Variants in FAM184B observed in about 807,000 individuals in gnomAD.
FAM184B encodes protein FAM184B.
A neutral mutation model predicts 135.9 loss-of-function variants in FAM184B; 111 were observed. The observed-to-expected ratio is 0.82, with a 90% confidence interval of 0.70 to 0.96. FAM184B has a LOEUF of 0.96. Among genes scored for constraint, FAM184B ranks in the 40% least tolerant of loss-of-function variants. The probability of loss-of-function intolerance (pLI) is 0.00; values close to 1 mark genes in which losing one functional copy is unlikely to be tolerated. For synonymous variants in FAM184B, 552 were observed against 524.8 expected, an observed-to-expected ratio of 1.05 and a Z score of -0.71; for missense variants, 1,375 against 1,323.9, an observed-to-expected ratio of 1.04 and a Z score of -0.60.
intron 1 of FAM184B, among the ~76,000 whole-genome samples, chr4:17,728,666 C>A (rs899848283): frequency 3.9e-5 from 6 of 152,034 alleles, no homozygotes; most frequent in Admixed American, 6.6e-5. Context: ...GGAGCAGAGG[C>A]AAATGCTGGT....
intron 10 of FAM184B, among the ~76,000 whole-genome samples, chr4:17,653,473 A>G (rs9884565): frequency 0.62 from 94,735 of 152,018 alleles, 29,949 homozygotes; most frequent in East Asian, 0.89. Flanking sequence ...TTTTCAGTCC[A>G]TGCTCTTGTT....
rs865897880 is a variant in FAM184B, at chr4:17,645,191, G to A, written c.2346+2446C>T. On this transcript the variant is annotated intron_variant, in intron 12 of 17. Transcript: ENST00000265018. Reference sequence around the variant, plus strand: ...TTATAGATTCAATGCCATCCCCATCGAGCTACCAATGACTTTCTTCACAGA... The same window carrying A: ...TTATAGATTCAATGCCATCCCCATCAAGCTACCAATGACTTTCTTCACAGA... Among the ~76,000 whole-genome samples the A allele has an allele frequency of 2.8e-4, 42 of 152,168 alleles. 1 individual carries two copies. The Middle Eastern group carries it at 0.017, about 62-fold the overall frequency.
chr4:17,672,043 G>C (rs949997700), intron 7 of FAM184B, among the ~76,000 whole-genome samples: 7 of 152,084 alleles, frequency 4.6e-5, no homozygotes, highest in Admixed American at 2.6e-4. Flanking sequence ...TAAGCATGCA[G>C]ATCCAAGAAG....
intron 2 of FAM184B, among the ~76,000 whole-genome samples, chr4:17,708,627 A>T (rs1176795551): frequency 1.5e-5 from 2 of 137,162 alleles, no homozygotes; most frequent in African/African-American, 2.7e-5. Context: ...CCTGGGTGAC[A>T]GAGTGAGGCT....
At chr4:17,641,966 C>T in intron 13 of FAM184B, 90 bp downstream of exon 13, 2 of 1,442,864 alleles carry the variant, frequency 1.4e-6, no homozygotes, top group East Asian at 2.7e-5. Flanking sequence ...CATTTCAGGT[C>T]TCAGGCTCAG....
intron 1 of FAM184B, among the ~76,000 whole-genome samples, chr4:17,736,432 G>A (rs1046616251): frequency 1.3e-5 from 2 of 152,196 alleles, no homozygotes; most frequent in African/African-American, 4.8e-5. Flanking sequence ...TTCAGGTTAA[G>A]CTGTGTTTAA....
intron 14 of FAM184B, 63 bp downstream of exon 14, chr4:17,639,187 G>A: frequency 2.0e-6 from 3 of 1,484,050 alleles, no homozygotes; most frequent in East Asian, 2.5e-5. Flanking sequence ...ATTGGGGTGA[G>A]TTGGCCACCC....
chr4:17,770,223 C>T (rs889464243), intron 1 of FAM184B, among the ~76,000 whole-genome samples: 5 of 152,198 alleles, frequency 3.3e-5, no homozygotes, highest in African/African-American at 7.2e-5. Flanking sequence ...TTTAAACAGA[C>T]GAATGACATG....
At chr4:17,650,377 C>T (rs1453494630) in intron 11 of FAM184B, among the ~76,000 whole-genome samples, 1 of 152,216 alleles carries the variant, frequency 6.6e-6, no homozygotes, top group Admixed American at 6.5e-5. Context: ...CTTGCACCTT[C>T]CCTTGAAGCC....
intron 1 of FAM184B, among the ~76,000 whole-genome samples, chr4:17,728,603 G>A (rs1161397942): frequency 1.3e-5 from 2 of 152,132 alleles, no homozygotes; most frequent in African/African-American, 4.8e-5. Flanking sequence ...GGAGAAGATG[G>A]CAACTAAGGG....
intron 1 of FAM184B, among the ~76,000 whole-genome samples, chr4:17,780,172 C>G (rs1237176611): frequency 6.6e-6 from 1 of 151,974 alleles, no homozygotes; most frequent in Non-Finnish European, 1.5e-5. Context: ...GTTGGCGGGA[C>G]AGGGGGAGGG....
chr4:17,633,971 C>T, intron 16 of FAM184B, 83 bp from the exon 17 acceptor site: 2 of 1,120,008 alleles, frequency 1.8e-6, no homozygotes, highest in Non-Finnish European at 2.4e-6. Flanking sequence ...TAATGCTCAC[C>T]CAATCAAAAT....
At chr4:17,776,769 G>A (rs1382659245) in intron 1 of FAM184B, among the ~76,000 whole-genome samples, 1 of 151,982 alleles carries the variant, frequency 6.6e-6, no homozygotes, top group East Asian at 1.9e-4. Flanking sequence ...CAAAAGATAA[G>A]CAGATTTTAC....
At chr4:17,685,558 CAAA>C (rs11350244) in intron 7 of FAM184B, among the ~76,000 whole-genome samples, 9 of 86,744 alleles carry the variant, frequency 1.0e-4, no homozygotes, top group Admixed American at 4.0e-4. Flanking sequence ...GACTCTGTCT[CAAA>C]AAAAAAAAAA....
At chr4:17,780,707 A>T (rs902501301) in intron 1 of FAM184B, among the ~76,000 whole-genome samples, 7 of 152,166 alleles carry the variant, frequency 4.6e-5, no homozygotes, top group African/African-American at 1.7e-4. Flanking sequence ...GTACGGTGCC[A>T]CGCAAGCTGC....
intron 13 of FAM184B, among the ~76,000 whole-genome samples, chr4:17,641,211 G>C (rs1478199011): frequency 6.6e-6 from 1 of 152,064 alleles, no homozygotes; most frequent in Non-Finnish European, 1.5e-5. Flanking sequence ...TGGTATTACA[G>C]GCGTGAGCTA....
In FAM184B at chr4:17,767,011, C is replaced by T. The variant is rs56376826; in HGVS notation, c.141+14148G>A. 8.9e-3 allele frequency among the ~76,000 whole-genome samples: 1,349 copies of T among 152,280 alleles called. 14 individuals are homozygous for T. The highest frequency in any genetic ancestry group is 0.03 in the African/African-American group (1,234 of 41,562). On this transcript the variant is annotated intron_variant, in intron 1 of 17. Coordinates refer to ENST00000265018, the MANE Select transcript of FAM184B (RefSeq NM_015688.2). ...GCGCAGCGCCAGCGGGCCAGCACTG[C>T]TGGGGGATCTGGTGCACCCTCTGCA... is the stretch of plus-strand genomic sequence containing the variant.
chr4:17,645,188 A>G (rs1194134947), intron 12 of FAM184B, among the ~76,000 whole-genome samples: 1 of 152,232 alleles, frequency 6.6e-6, no homozygotes, highest in Non-Finnish European at 1.5e-5. Context: ...TGCCATCCCC[A>G]TCGAGCTACC....
intron 1 of FAM184B, among the ~76,000 whole-genome samples, chr4:17,735,407 T>C (rs1352914217): frequency 6.6e-6 from 1 of 152,162 alleles, no homozygotes; most frequent in Non-Finnish European, 1.5e-5. Context: ...AATTTTCTTA[T>C]TTCCTATAAT....
Sources: gnomAD v4.1 joint callset for allele counts (sites outside exome capture counted in the v4.1 genomes callset) on GRCh38, gnomAD v4.1.1 for gene constraint, MANE v1.5 for transcripts, NCBI Gene and HGNC (gene_info 2026-07-23, HGNC 2026-07-21) for gene names.